The following PIP4K2C variants were observed in gnomAD, a reference collection of about 807,000 sequenced individuals.
PIP4K2C encodes the protein phosphatidylinositol 5-phosphate 4-kinase type-2 gamma.
In PIP4K2C, 21 loss-of-function variants were observed where a neutral mutation model predicts 45.0. That is an observed-to-expected ratio of 0.47 (90% CI 0.33 to 0.67). The LOEUF is 0.67. PIP4K2C is among the 30% of genes least tolerant of loss of function. PIP4K2C has a pLI of 0.02. For synonymous variants in PIP4K2C, 201 were observed against 204.8 expected, an observed-to-expected ratio of 0.98 and a Z score of 0.16; for missense variants, 456 against 542.8, an observed-to-expected ratio of 0.84 and a Z score of 1.59.
At position 57,591,319 on chromosome 12, in the gene PIP4K2C, G is replaced by A. The variant is rs1216656674; in HGVS notation, c.30G>A (p.Thr10=). 9 of 1,612,424 alleles carry A rather than the reference G, an allele frequency of 5.6e-6. No homozygotes were observed. The South Asian group carries it at 8.8e-5, about 16-fold the overall frequency. ...CGTCCTCCTCGGTCCCACCAGCCAC[G>A]GTATCGGCGGCGACAGCAGGCCCCG... MASSSVPPA[T]VSAATAGPGP... The change falls in exon 1 of 10, where the codon ACG becomes ACA. Residue 10 remains threonine (T), a synonymous_variant. Coordinates refer to ENST00000354947, the MANE Select transcript of PIP4K2C (RefSeq NM_024779.5).
At chr12:57,595,072 G>A in intron 2 of PIP4K2C, 54 bp from the exon 3 acceptor site, 1 of 1,118,088 alleles carries the variant, frequency 8.9e-7, no homozygotes, top group South Asian at 1.2e-5. Flanking sequence ...AAACTACCAA[G>A]TGTATGTAAA....
chr12:57,603,100 C>T lies in PIP4K2C; in HGVS notation c.*1494C>T, dbSNP rs932376204. 4.6e-5 allele frequency: 7 copies of T among 152,540 alleles called. No homozygotes were observed. Among genetic ancestry groups the T allele is most frequent in the Non-Finnish European group, 7.3e-5 (5 of 68,048 alleles). 9.4% of individuals were successfully genotyped at this position (152,540 alleles called of 1,614,324 possible). A position where few individuals can be genotyped will look rare whatever the true frequency, so the allele number is the denominator to read the frequency against. On this transcript the variant is annotated 3_prime_UTR_variant, in exon 10 of 10. Coordinates refer to ENST00000354947, the MANE Select transcript of PIP4K2C (RefSeq NM_024779.5). ...AGAAGCTCCCTCTCCCCTTCATCTT[C>T]TGCTCCAAAGGTGGTAGCAAGAGGA... is the stretch of plus-strand genomic sequence containing the variant.
At chr12:57,597,069 A>G (rs760950765) in intron 4 of PIP4K2C, among the ~76,000 whole-genome samples, 4 of 152,238 alleles carry the variant, frequency 2.6e-5, no homozygotes, top group Non-Finnish European at 5.9e-5. Context: ...TACTGTGGAA[A>G]TAGGCAGGAG....
chr12:57,601,498 A>G (rs1435520299), intron 9 of PIP4K2C, 28 bp from the exon 10 acceptor site: 1 of 1,597,322 alleles, frequency 6.3e-7, no homozygotes, highest in South Asian at 1.1e-5. Context: ...GGGTGGCCTG[A>G]CATATTGTTC....
chr12:57,601,811 T>C lies in PIP4K2C; in HGVS notation c.*205T>C. 1.7e-6 allele frequency: 1 copy of C among 586,384 alleles called. No individual in the cohort carries two copies. The highest frequency in any genetic ancestry group is 2.1e-5 in the South Asian group (1 of 48,354). 36.3% of individuals were successfully genotyped at this position (586,384 alleles called of 1,614,324 possible). A position where few individuals can be genotyped will look rare whatever the true frequency, so the allele number is the denominator to read the frequency against. On this transcript the variant is annotated 3_prime_UTR_variant, in exon 10 of 10. Transcript: ENST00000354947. The stretch of plus-strand genomic sequence containing the variant: ...TGTCCTTTTTCCTCTTTGCCCATTT[T>C]TCTTCCCTCTCTTCCTCCCCATGAG...
intron 1 of PIP4K2C, among the ~76,000 whole-genome samples, chr12:57,592,457 G>A (rs574697493): frequency 1.3e-4 from 20 of 152,284 alleles, no homozygotes; most frequent in Admixed American, 1.3e-3. Flanking sequence ...TTTTTAATTT[G>A]TGGTAAAGAA....
intron 4 of PIP4K2C, chr12:57,597,964 A>G (rs930092475): frequency 2.6e-5 from 4 of 152,220 alleles, no homozygotes; most frequent in Admixed American, 2.6e-4. Context: ...TCAGTGATTC[A>G]ACGTGTGAAT....
At chr12:57,591,938 G>C (rs1217091886) in intron 1 of PIP4K2C, among the ~76,000 whole-genome samples, 1 of 152,088 alleles carries the variant, frequency 6.6e-6, no homozygotes, top group African/African-American at 2.4e-5. Flanking sequence ...TTTGAATCTT[G>C]GTTTTGTCTC....
At chr12:57,592,519 G>A (rs1883006501) in intron 1 of PIP4K2C, among the ~76,000 whole-genome samples, 1 of 152,098 alleles carries the variant, frequency 6.6e-6, no homozygotes, top group Non-Finnish European at 1.5e-5. Flanking sequence ...GATCTCTTTT[G>A]GATTTGTGGC....
chr12:57,599,246 T>C (rs1883323980), intron 5 of PIP4K2C, 35 bp downstream of exon 5: 4 of 1,611,790 alleles, frequency 2.5e-6, no homozygotes, highest in Non-Finnish European at 3.4e-6. Context: ...AGAGGGAGGC[T>C]CCTGATAGCC....
chr12:57,595,829 G>A (rs1242925798), intron 3 of PIP4K2C, 59 bp from the exon 4 acceptor site: 5 of 1,579,826 alleles, frequency 3.2e-6, no homozygotes, highest in Non-Finnish European at 4.3e-6. Context: ...ATTTTCCTAT[G>A]ACTTGTTTCT....
chr12:57,592,207 T>TAA (rs1312557803), intron 1 of PIP4K2C, among the ~76,000 whole-genome samples: 1 of 152,172 alleles, frequency 6.6e-6, no homozygotes, highest in African/African-American at 2.4e-5. Context: ...TGGTGAACTT[T>TAA]TGAAGCAGGA....
At position 57,601,742 on chromosome 12, in the gene PIP4K2C, C is replaced by A; in HGVS notation, c.*136C>A. Reference sequence around the variant, plus strand: ...CTGCAGGCTCCTTCCATCCAGATAACTCCATCCTGTCGAGTAGGCTCTTTC... The same window carrying A: ...CTGCAGGCTCCTTCCATCCAGATAAATCCATCCTGTCGAGTAGGCTCTTTC... On this transcript the variant is annotated 3_prime_UTR_variant, in exon 10 of 10. Transcript: ENST00000354947. 2.7e-6 allele frequency: 2 copies of A among 752,952 alleles called. No homozygotes were observed. Among genetic ancestry groups the A allele is most frequent in the Non-Finnish European group, 2.3e-6 (1 of 428,912 alleles). The allele number at this position is 752,952 out of a possible 1,614,324, so 46.6% of individuals were successfully genotyped here.
Position 57,601,692 on chromosome 12 carries a change from CTCT to C in PIP4K2C, c.*92_*94del. ...TGTGGGGATATTCTAGCCACCAGTT[CTCT>C]TCTTCCTTTGCTAAATTCAGGCTGC... is the stretch of plus-strand genomic sequence containing the variant. On this transcript the variant is annotated 3_prime_UTR_variant, in exon 10 of 10. Coordinates refer to ENST00000354947, the MANE Select transcript of PIP4K2C (RefSeq NM_024779.5). The C allele has an allele frequency of 8.4e-7, 1 of 1,195,942 alleles. No homozygotes were observed. The highest frequency in any genetic ancestry group is 1.2e-6 in the Non-Finnish European group (1 of 800,446). The allele number at this position is 1,195,942 out of a possible 1,614,324, so 74.1% of individuals were successfully genotyped here. A position where few individuals can be genotyped will look rare whatever the true frequency, so the allele number is the denominator to read the frequency against.
rs375407523 is a variant in PIP4K2C at position 57,600,332 on chromosome 12, A to G, written c.708A>G (p.Glu236=). The G allele has an allele frequency of 3.1e-6, 5 of 1,597,520 alleles. No individual in the cohort carries two copies. Among genetic ancestry groups the G allele is most frequent in the African/African-American group, 2.7e-5 (2 of 74,386 alleles). ...CCTTTACATATTCTTAGGTTAAAGA[A>G]TTGCCCACCCTTAAGGATATGGACT... ...REASDKEKVK[E]LPTLKDMDFL... is the part of the protein sequence containing the mutation. Residue 236 remains glutamate (E), a synonymous_variant, in exon 7 of 10, where the codon GAA becomes GAG. Coordinates refer to ENST00000354947, the MANE Select transcript of PIP4K2C (RefSeq NM_024779.5).
At chr12:57,599,327 C>G in intron 5 of PIP4K2C, 73 bp from the exon 6 acceptor site, 1 of 1,607,430 alleles carries the variant, frequency 6.2e-7, no homozygotes, top group Non-Finnish European at 8.5e-7. Context: ...GGTTTGAGTA[C>G]TCATCTTAGG....
intron 6 of PIP4K2C, among the ~76,000 whole-genome samples, chr12:57,599,824 A>C (rs1883349175): frequency 6.6e-6 from 1 of 152,210 alleles, no homozygotes; most frequent in Non-Finnish European, 1.5e-5. Flanking sequence ...TAGAAGGCCA[A>C]GGCAGGACTG....
chr12:57,596,434 G>A lies in PIP4K2C; in HGVS notation c.513+403G>A, dbSNP rs956038654. On this transcript the variant is annotated intron_variant, in intron 4 of 9. Coordinates refer to ENST00000354947, the MANE Select transcript of PIP4K2C (RefSeq NM_024779.5). ...CGGGAAGCGGAGGTTGTAGTGAGCC[G>A]AGATCGTGCATTTGCACTTCAGCCT... Among the ~76,000 whole-genome samples, 96 of 150,410 alleles carry A rather than the reference G, an allele frequency of 6.4e-4. 2 individuals carry two copies. The highest frequency in any genetic ancestry group is 4.6e-3 in the Admixed American group (69 of 15,056).
Position 57,594,071 on chromosome 12 carries a change from A to G in PIP4K2C, c.221A>G (p.Asp74Gly). Reference sequence around the variant, plus strand: ...CCTCCCCCGGTGATGCTGCTGCCAGATGACTTTAAGGCCAGCTCCAAGATC... The same window carrying G: ...CCTCCCCCGGTGATGCTGCTGCCAGGTGACTTTAAGGCCAGCTCCAAGATC... ...QVPPPVMLLP[D>G]DFKASSKIKV... The change falls in exon 2 of 10, where the codon GAT becomes GGT. Residue 74 changes from aspartate to glycine, a missense_variant. Asp to Gly is a moderately conservative substitution (Grantham distance 94). Around this residue, in one of 2 missense-constraint regions of PIP4K2C, gnomAD observed 421 missense variants for 473.1 expected, o/e 0.89. Coordinates refer to ENST00000354947, the MANE Select transcript of PIP4K2C (RefSeq NM_024779.5). 1 of 1,614,066 alleles carries G rather than the reference A, an allele frequency of 6.2e-7. No homozygotes were observed. The highest frequency in any genetic ancestry group is 8.5e-7 in the Non-Finnish European group (1 of 1,180,006).
Sources: gnomAD v4.1 joint callset for allele counts (sites outside exome capture counted in the v4.1 genomes callset) on GRCh38, gnomAD v4.1.1 for gene constraint, gnomAD v4.1.1 regional missense constraint, MANE v1.5 for transcripts, NCBI Gene and HGNC (gene_info 2026-07-23, HGNC 2026-07-21) for gene names.